The following ANO4 variants were observed in gnomAD, a reference collection of about 807,000 sequenced individuals.
ANO4 encodes the protein anoctamin 4, also known as anoctamin-4.
ANO4 carries 69 observed loss-of-function variants against 141.9 expected under a neutral mutation model. The ratio of observed to expected loss-of-function variants is 0.49; its 90% CI spans 0.40 to 0.59. The LOEUF (loss-of-function observed/expected upper bound fraction) is 0.59, where lower values mean the gene tolerates loss of function less well. Ranked by LOEUF, ANO4 falls within the 20% of genes least tolerant of loss-of-function variation. ANO4 has a pLI of 0.00. For synonymous variants in ANO4, 350 were observed against 394.3 expected, an observed-to-expected ratio of 0.89 and a Z score of 1.33; for missense variants, 894 against 1,162.2, an observed-to-expected ratio of 0.77 and a Z score of 3.36.
At chr12:100,812,791 G>A (rs1222447660) in intron 1 of ANO4, among the ~76,000 whole-genome samples, 1 of 152,152 alleles carries the variant, frequency 6.6e-6, no homozygotes, top group African/African-American at 2.4e-5. Flanking sequence ...ATTGTGTTTC[G>A]TTATGAAAAT....
chr12:101,067,016 AAG>A, intron 14 of ANO4: 4 of 571,578 alleles, frequency 7.0e-6, no homozygotes, highest in Non-Finnish European at 1.2e-5. Context: ...AAAAAAAAAA[AAG>A]AAAGAACAGA....
At chr12:100,873,431 A>G (rs1645308303) in intron 1 of ANO4, among the ~76,000 whole-genome samples, 1 of 152,202 alleles carries the variant, frequency 6.6e-6, no homozygotes, top group Non-Finnish European at 1.5e-5. Flanking sequence ...TCAGATGGAA[A>G]TGAGTAACTT....
intron 3 of ANO4, among the ~76,000 whole-genome samples, chr12:100,935,569 T>C (rs953261174): frequency 1.3e-5 from 2 of 152,194 alleles, no homozygotes; most frequent in Non-Finnish European, 2.9e-5. Context: ...AGGAAGGTGA[T>C]GGGATTCATT....
chr12:100,948,884 T>C (rs2042855836), intron 5 of ANO4, among the ~76,000 whole-genome samples: 1 of 152,206 alleles, frequency 6.6e-6, no homozygotes, highest in African/African-American at 2.4e-5. Context: ...ACTCCTGTGA[T>C]TATCTTATAT....
intron 2 of ANO4, among the ~76,000 whole-genome samples, chr12:100,738,609 CTT>C (rs1004138653): frequency 7.9e-5 from 12 of 151,790 alleles, no homozygotes; most frequent in Non-Finnish European, 1.0e-4. Flanking sequence ...TCCTTAGAGA[CTT>C]TTTATTTTTT....
intron 15 of ANO4, among the ~76,000 whole-genome samples, chr12:101,080,900 T>TTTTATATATATATATATATATACAC (rs2049238630): frequency 7.6e-6 from 1 of 131,042 alleles, no homozygotes; most frequent in Non-Finnish European, 1.6e-5. Flanking sequence ...TATATATATA[T>TTTTATATATATATATATATATACAC]ACATACACAT....
At chr12:100,726,872 T>G (rs1462817593) in intron 1 of ANO4, among the ~76,000 whole-genome samples, 2 of 151,912 alleles carry the variant, frequency 1.3e-5, no homozygotes, top group East Asian at 3.9e-4. Context: ...TAGTGCAACA[T>G]TAAAAAAACT....
At chr12:100,818,745 A>AT (rs1374530042) in intron 1 of ANO4, among the ~76,000 whole-genome samples, 1 of 151,784 alleles carries the variant, frequency 6.6e-6, no homozygotes. Flanking sequence ...ACAAATCGTG[A>AT]TTTTGCCTCC....
At chr12:100,910,613 C>T (rs12306524) in intron 2 of ANO4, among the ~76,000 whole-genome samples, 3,466 of 152,194 alleles carry the variant, frequency 0.023, 139 homozygotes, top group African/African-American at 0.079. Context: ...AACTGAAGCA[C>T]TGATTTTGAT....
At chr12:100,766,993 A>T (rs2033115311) in intron 3 of ANO4, among the ~76,000 whole-genome samples, 1 of 151,994 alleles carries the variant, frequency 6.6e-6, no homozygotes, top group Admixed American at 6.5e-5. Flanking sequence ...ACAGTTTGTG[A>T]TTTAGTCTAT....
At chr12:100,826,193 A>G (rs73157576) in intron 1 of ANO4, among the ~76,000 whole-genome samples, 4,837 of 152,164 alleles carry the variant, frequency 0.032, 110 homozygotes, top group Non-Finnish European at 0.053. Flanking sequence ...TGAAAAATTG[A>G]AATATGAAAA....
intron 1 of ANO4, among the ~76,000 whole-genome samples, chr12:100,820,825 T>C (rs1172889332): frequency 6.6e-6 from 1 of 152,082 alleles, no homozygotes; most frequent in East Asian, 1.9e-4. Flanking sequence ...GATAAAGTGA[T>C]GGATGCTGCT....
At chr12:100,809,761 G>A (rs748655353) in intron 1 of ANO4, among the ~76,000 whole-genome samples, 1 of 152,208 alleles carries the variant, frequency 6.6e-6, no homozygotes, top group African/African-American at 2.4e-5. Flanking sequence ...GAAAAGGTCA[G>A]ATTGTAGACT....
chr12:101,095,353 T>C (rs1167701249), intron 18 of ANO4, among the ~76,000 whole-genome samples: 1 of 152,174 alleles, frequency 6.6e-6, no homozygotes, highest in Non-Finnish European at 1.5e-5. Flanking sequence ...TACCCTGTGG[T>C]AGCTTGATCC....
chr12:100,813,170 C>T (rs2035544572), intron 1 of ANO4, among the ~76,000 whole-genome samples: 1 of 152,090 alleles, frequency 6.6e-6, no homozygotes, highest in Admixed American at 6.6e-5. Context: ...AGCTGACTTG[C>T]CTAGCAAAGA....
intron 8 of ANO4, among the ~76,000 whole-genome samples, chr12:100,989,176 A>G (rs2044921206): frequency 6.6e-6 from 1 of 152,202 alleles, no homozygotes; most frequent in South Asian, 2.1e-4. Context: ...AACATTTGAA[A>G]GGGTCATTGA....
At chr12:100,748,540 T>A (rs1209072251) in intron 3 of ANO4, among the ~76,000 whole-genome samples, 3 of 152,196 alleles carry the variant, frequency 2.0e-5, no homozygotes, top group Non-Finnish European at 2.9e-5. Flanking sequence ...CAATATAAAT[T>A]AGAAAGTCTC....
At position 100,819,126 on chromosome 12, in the gene ANO4, T is replaced by TG. The variant is rs2035897541; in HGVS notation, c.-141+24100dup. 2.0e-5 allele frequency among the ~76,000 whole-genome samples: 3 copies of TG among 151,530 alleles called. No homozygotes were observed. In the South Asian group the frequency reaches 6.2e-4, roughly 32 times the overall value. On this transcript the variant is annotated intron_variant, in intron 1 of 27. Transcript: ENST00000392977. Reference sequence around the variant, plus strand: ...GTAATGACATTAGATGAATTTTTTTTGTCTAGTAGGTGTTTAAATGATGCA... The same window carrying TG: ...GTAATGACATTAGATGAATTTTTTTTGGTCTAGTAGGTGTTTAAATGATGCA...
Position 101,086,657 on chromosome 12 carries a change from CA to C in ANO4, c.1537-2del. On this transcript the variant is annotated splice_acceptor_variant, in intron 16 of 27. Transcript: ENST00000392977. LOFTEE classifies it high-confidence loss of function. The stretch of plus-strand genomic sequence containing the variant: ...TTCACCGGGTGTCTTGTCTTCCTGC[CA>C]GATCTGCGTGGTGATTGCTGCCGTG... 1.2e-6 allele frequency: 2 copies of C among 1,613,246 alleles called. No individual in the cohort carries two copies. Among genetic ancestry groups the C allele is most frequent in the Non-Finnish European group, 1.7e-6 (2 of 1,179,652 alleles).
Sources: allele counts gnomAD v4.1 joint callset (sites outside exome capture counted in the v4.1 genomes callset), GRCh38; gene constraint gnomAD v4.1.1; transcripts MANE v1.5; gene names NCBI Gene and HGNC (gene_info 2026-07-23, HGNC 2026-07-21).